CIMIP2C: variants seen among roughly 807,000 people sequenced by gnomAD.
CIMIP2C encodes the protein UPF0573 protein C2orf70.
At chr2:26,571,334 A>C in the CIMIP2C span, among the ~76,000 whole-genome samples, 1 of 152,080 alleles carries the variant, frequency 6.6e-6, no homozygotes, top group African/African-American at 2.4e-5. Flanking sequence ...CTTGTCATGG[A>C]GCTCCTCCAG....
the CIMIP2C span, chr2:26,579,255 T>C: frequency 8.7e-6 from 14 of 1,603,914 alleles, no homozygotes; most frequent in Non-Finnish European, 1.2e-5. Flanking sequence ...CTTCCTTCCC[T>C]GGCACACTGC....
the CIMIP2C span, among the ~76,000 whole-genome samples, chr2:26,563,776 T>C: frequency 6.6e-6 from 1 of 152,232 alleles, no homozygotes; most frequent in Admixed American, 6.5e-5. Context: ...CAGAATAAGC[T>C]AGACACAGAG....
chr2:26,579,342 C>G, the CIMIP2C span: 7 of 1,614,110 alleles, frequency 4.3e-6, no homozygotes, highest in Non-Finnish European at 5.9e-6. Flanking sequence ...GACTAGCCCC[C>G]GAGAACCTGA....
the CIMIP2C span, chr2:26,575,941 C>T: frequency 1.8e-5 from 29 of 1,613,764 alleles, no homozygotes; most frequent in East Asian, 2.2e-5. Flanking sequence ...TCTCCTTTGG[C>T]GCTCCCTACG....
chr2:26,577,371 GC>G, the CIMIP2C span: 1 of 706,034 alleles, frequency 1.4e-6, no homozygotes, highest in Non-Finnish European at 2.4e-6. Flanking sequence ...TTGAGTTGGG[GC>G]CCCAGCAACT....
At chr2:26,579,420 C>A in the CIMIP2C span, 1 of 1,613,972 alleles carries the variant, frequency 6.2e-7, no homozygotes, top group Middle Eastern at 1.6e-4. Context: ...GAGACTGCTA[C>A]TTTGAGTTCA....
At chr2:26,565,095 CCTT>C in the CIMIP2C span, among the ~76,000 whole-genome samples, 10 of 151,034 alleles carry the variant, frequency 6.6e-5, no homozygotes, top group East Asian at 5.8e-4. Context: ...TTCCCCTACC[CCTT>C]CTTCTTTTTT....
the CIMIP2C span, among the ~76,000 whole-genome samples, chr2:26,565,150 C>T: frequency 4.6e-5 from 7 of 151,176 alleles, no homozygotes; most frequent in Non-Finnish European, 1.0e-4. Context: ...AGTGCAATGG[C>T]GCAATCTCGG....
chr2:26,575,928 CCTT>C, the CIMIP2C span: 8 of 1,613,578 alleles, frequency 5.0e-6, no homozygotes, highest in Admixed American at 1.3e-4. Context: ...CCCACTGTGG[CCTT>C]CTCCTTTGGC....
chr2:26,567,167 G>T, the CIMIP2C span, among the ~76,000 whole-genome samples: 1 of 152,154 alleles, frequency 6.6e-6, no homozygotes. Flanking sequence ...ATATGGTTTG[G>T]CTGTGTCCCC....
At chr2:26,573,699 G>A in the CIMIP2C span, among the ~76,000 whole-genome samples, 1 of 152,250 alleles carries the variant, frequency 6.6e-6, no homozygotes, top group Admixed American at 6.5e-5. Context: ...GCACTGAGGT[G>A]GTGGAGAAGA....
At chr2:26,566,859 A>G in the CIMIP2C span, among the ~76,000 whole-genome samples, 1 of 152,138 alleles carries the variant, frequency 6.6e-6, no homozygotes, top group Non-Finnish European at 1.5e-5. Context: ...AGCTGGGACC[A>G]CAGGTGTGCA....
chr2:26,576,019 C>T, the CIMIP2C span: 1 of 1,614,214 alleles, frequency 6.2e-7, no homozygotes, highest in Admixed American at 1.7e-5. Flanking sequence ...ACACTCCCTT[C>T]AGCCAAGGCG....
chr2:26,566,707 C>T, the CIMIP2C span, among the ~76,000 whole-genome samples: 1 of 152,120 alleles, frequency 6.6e-6, no homozygotes, highest in Non-Finnish European at 1.5e-5. Context: ...TTGACTGTCT[C>T]CTTTGGTTTT....
the CIMIP2C span, chr2:26,572,256 G>T: frequency 8.9e-7 from 1 of 1,126,756 alleles, no homozygotes. Flanking sequence ...TCTGTAACTA[G>T]CATTCACCTA....
At chr2:26,565,296 G>A in the CIMIP2C span, among the ~76,000 whole-genome samples, 1 of 152,070 alleles carries the variant, frequency 6.6e-6, no homozygotes, top group African/African-American at 2.4e-5. Context: ...TTGCCATGTT[G>A]GCCAGGCTGG....
At chr2:26,578,718 G>GC in the CIMIP2C span, 5 of 470,448 alleles carry the variant, frequency 1.1e-5, no homozygotes, top group Non-Finnish European at 1.8e-5. Context: ...GCCAGGATCT[G>GC]CCCCCCATCC....
chr2:26,576,266 C>T, the CIMIP2C span: 2 of 1,403,364 alleles, frequency 1.4e-6, no homozygotes, highest in Admixed American at 2.1e-5. Flanking sequence ...CAGGGGGAGA[C>T]CTCGCACCTG....
chr2:26,569,397 C>T, the CIMIP2C span, among the ~76,000 whole-genome samples: 4 of 152,290 alleles, frequency 2.6e-5, no homozygotes, highest in East Asian at 1.9e-4. Flanking sequence ...CACCTGGCCC[C>T]GCTTGTGCTT....
Sources: gnomAD v4.1 joint callset for allele counts (sites outside exome capture counted in the v4.1 genomes callset) on GRCh38, gnomAD v4.1.1 for gene constraint, MANE v1.5 for transcripts, NCBI Gene and HGNC (gene_info 2026-07-23, HGNC 2026-07-21) for gene names.